The following HPS4 variants were observed in gnomAD, a reference collection of about 807,000 sequenced individuals.
The protein encoded by HPS4 is HPS4 biogenesis of lysosomal organelles complex 3 subunit 2, also known as BLOC-3 complex member HPS4.
A neutral mutation model predicts 70.3 loss-of-function variants in HPS4; 44 were observed. The ratio of observed to expected loss-of-function variants is 0.63; its 90% CI spans 0.49 to 0.80. The LOEUF is 0.80. HPS4 is among the 30% of genes least tolerant of loss of function. The pLI is 0.00. For synonymous variants in HPS4, 377 were observed against 355.9 expected, an observed-to-expected ratio of 1.06 and a Z score of -0.67; for missense variants, 873 against 884.4, an observed-to-expected ratio of 0.99 and a Z score of 0.16.
chr22:26,457,214 T>TA (rs2086307573), intron 13 of HPS4, among the ~76,000 whole-genome samples: 3 of 146,744 alleles, frequency 2.0e-5, no homozygotes, highest in Non-Finnish European at 4.5e-5. Flanking sequence ...GTATTACTTT[T>TA]TTTTTTTTTT....
At position 26,464,251 on chromosome 22, in the gene HPS4, G is replaced by C; in HGVS notation, c.1379C>G (p.Pro460Arg). 2 of 1,614,184 alleles carry C rather than the reference G, an allele frequency of 1.2e-6. No homozygotes were observed. Among genetic ancestry groups the C allele is most frequent in the Non-Finnish European group, 1.7e-6 (2 of 1,180,038 alleles). The stretch of plus-strand genomic sequence containing the variant: ...GGGCCTGCGGGTCCTTCTGGGGAGA[G>C]GGTCTGCTCTGGGAATGGGGGCTTG... The part of the protein sequence containing the change: ...SSQAPIPRAD[P>R]LPRRTRRPLL... Residue 460 changes from proline to arginine, a missense_variant, in exon 11 of 14, where the codon CCT (proline) becomes CGT (arginine). By Grantham distance (103) the Pro-to-Arg change is moderately radical. Transcript: ENST00000398145.
Position 26,481,683 on chromosome 22 carries a change from C to A in HPS4, c.41+39G>T, listed in dbSNP as rs751264994. 25 of 1,601,900 alleles carry A rather than the reference C, an allele frequency of 1.6e-5. No individual in the cohort carries two copies. The South Asian group carries it at 2.8e-4, about 18-fold the overall frequency. On this transcript the variant is annotated intron_variant, in intron 2 of 13. Transcript: ENST00000398145. The stretch of plus-strand genomic sequence containing the variant: ...TTAACCCCAAAACTCTAACCAACAG[C>A]CCAGCAAAAGCTATGCCATGGCAGG...
chr22:26,472,992 G>A, intron 4 of HPS4, 53 bp from the exon 5 acceptor site: 2 of 1,525,222 alleles, frequency 1.3e-6, no homozygotes, highest in Non-Finnish European at 1.8e-6. Flanking sequence ...TTGAGTCCAA[G>A]CCCAGAATCC....
At position 26,479,265 on chromosome 22, in the gene HPS4, C is replaced by G; in HGVS notation, c.132G>C (p.Gln44His). 6.2e-7 allele frequency: 1 copy of G among 1,614,150 alleles called. No homozygotes were observed. ...AACAATAAAATGCTGTGTGGCTTAC[C>G]TGGGAAGGATAAAAGTAACAAATGC... ...RAGICYFYPS[Q>H]TLLDQQELLC... The change falls in exon 3 of 14, where the codon CAG becomes CAC. Residue 44 changes from glutamine to histidine, a missense_variant and splice_region_variant. Coordinates refer to ENST00000398145, the MANE Select transcript of HPS4 (RefSeq NM_022081.6).
intron 13 of HPS4, among the ~76,000 whole-genome samples, chr22:26,455,387 G>C (rs1425351824): frequency 3.3e-5 from 5 of 151,562 alleles, no homozygotes; most frequent in Non-Finnish European, 5.9e-5. Flanking sequence ...ATACACCATG[G>C]AATACTATGC....
At chr22:26,483,475 GGC>G (rs1488480653) in intron 1 of HPS4, among the ~76,000 whole-genome samples, 197 bp downstream of exon 1, 1 of 152,234 alleles carries the variant, frequency 6.6e-6, no homozygotes, top group African/African-American at 2.4e-5. Flanking sequence ...GCTGGAAAAG[GGC>G]CAGGAAGCTG....
chr22:26,464,480 A>G lies in HPS4; in HGVS notation c.1150T>C (p.Ser384Pro), dbSNP rs760276585. 10 of 1,614,108 alleles carry G rather than the reference A, an allele frequency of 6.2e-6. No homozygotes were observed. Among genetic ancestry groups the G allele is most frequent in the Admixed American group, 1.7e-5 (1 of 60,014 alleles). The change falls in exon 11 of 14, where the codon TCA becomes CCA. Residue 384 changes from serine to proline, a missense_variant. By Grantham distance (74) the Ser-to-Pro change is moderately conservative (BLOSUM62 -1). Transcript: ENST00000398145. ...IPEAQEVEMA[S>P]GHFAFLHVPV... ...ACATGTAGGAAGGCAAAATGACCTGAGGCCATTTCCACTTCCTGAGCCTCT... is the reference window on the plus strand; with the variant it reads ...ACATGTAGGAAGGCAAAATGACCTGGGGCCATTTCCACTTCCTGAGCCTCT...
chr22:26,443,123 G>A, downstream of HPS4: 5 of 1,614,166 alleles, frequency 3.1e-6, no homozygotes, highest in Non-Finnish European at 4.2e-6. Context: ...CCCACGGGTG[G>A]TTTTCATGGT....
intron 9 of HPS4, 135 bp downstream of exon 9, chr22:26,466,091 T>C (rs775075683): frequency 3.1e-6 from 5 of 1,594,068 alleles, no homozygotes; most frequent in African/African-American, 1.3e-5. Flanking sequence ...TGAAGCTCCA[T>C]AACATCCATT....
rs780644636 is a variant in HPS4 at position 26,470,701 on chromosome 22, G to C, written c.596+18C>G. On this transcript the variant is annotated intron_variant, in intron 7 of 13. Transcript: ENST00000398145. ...GCAAGGGAATGGGGCTGGAAGAAAG[G>C]GGTCTGGAGTTACTCACAGTCCTTT... 2.5e-6 allele frequency: 4 copies of C among 1,610,942 alleles called. No individual in the cohort carries two copies. Among genetic ancestry groups the C allele is most frequent in the Non-Finnish European group, 3.4e-6 (4 of 1,178,180 alleles).
intron 11 of HPS4, among the ~76,000 whole-genome samples, chr22:26,463,452 A>G (rs1212109097): frequency 1.3e-5 from 2 of 152,198 alleles, no homozygotes; most frequent in Non-Finnish European, 1.5e-5. Flanking sequence ...GGCACAACAC[A>G]TGCACGTACG....
At chr22:26,473,505 T>C (rs1050821456) in intron 4 of HPS4, among the ~76,000 whole-genome samples, 1 of 152,162 alleles carries the variant, frequency 6.6e-6, no homozygotes, top group Non-Finnish European at 1.5e-5. Flanking sequence ...CGGTGGCTCA[T>C]GCCTGTAATC....
downstream of HPS4, chr22:26,443,507 G>GT (rs2084873962): frequency 4.0e-6 from 1 of 247,880 alleles, no homozygotes; most frequent in Admixed American, 5.3e-5. Flanking sequence ...GAGACTTAGT[G>GT]CCCTTGTAAG....
At chr22:26,476,669 G>A (rs1425690355) in intron 4 of HPS4, 2 of 331,020 alleles carry the variant, frequency 6.0e-6, no homozygotes, top group East Asian at 7.5e-5. Flanking sequence ...CCCAGTAAGT[G>A]TAGAGAGCAT....
chr22:26,457,855 T>G lies in HPS4; in HGVS notation c.1955+4A>C. The G allele has an allele frequency of 6.2e-7, 1 of 1,608,870 alleles. No homozygotes were observed. The highest frequency in any genetic ancestry group is 8.5e-7 in the Non-Finnish European group (1 of 1,175,186). On this transcript the variant is annotated splice_donor_region_variant and intron_variant, in intron 13 of 13. Transcript: ENST00000398145. The stretch of plus-strand genomic sequence containing the variant: ...AGGTTGGGGAGCGACTCAGGGAGGC[T>G]CACCTGACAGTCATTTCATAAAGCG...
Position 26,451,108 on chromosome 22 carries a change from G to C in HPS4, c.*2125C>G, listed in dbSNP as rs1375468085. ...CACTCGGTGTCAACTAGGAGTCCAG[G>C]GTGGGCAGGCTGTCCTGCACACTGC... On this transcript the variant is annotated 3_prime_UTR_variant, in exon 14 of 14. Transcript: ENST00000398145. Among the ~76,000 whole-genome samples the C allele has an allele frequency of 8.5e-5, 13 of 152,160 alleles. No individual in the cohort carries two copies. Among genetic ancestry groups the C allele is most frequent in the Admixed American group, 8.5e-4 (13 of 15,284 alleles).
intron 4 of HPS4, among the ~76,000 whole-genome samples, chr22:26,474,837 T>A (rs1464833974): frequency 2.0e-5 from 3 of 152,214 alleles, no homozygotes; most frequent in African/African-American, 7.2e-5. Flanking sequence ...GGCCTCACTA[T>A]CATTAGTCAT....
rs746961193 is a variant in HPS4, at chr22:26,453,356, T to C, written c.2004A>G (p.Thr668=). The C allele has an allele frequency of 1.2e-5, 19 of 1,614,198 alleles. No homozygotes were observed. Among genetic ancestry groups the C allele is most frequent in the South Asian group, 5.5e-5 (5 of 91,082 alleles). Residue 668 remains threonine (T), a synonymous_variant, in exon 14 of 14, where the codon ACA becomes ACG. Transcript: ENST00000398145. Reference sequence around the variant, plus strand: ...CTGCAGGTGCCAGCTGCTGGAAATATGTCTCCTGGATGGGGTTGCAACAGG... The same window carrying C: ...CTGCAGGTGCCAGCTGCTGGAAATACGTCTCCTGGATGGGGTTGCAACAGG... ...VYACCNPIQE[T]YFQQLAPAAR... is the part of the protein sequence containing the mutation.
intron 8 of HPS4, chr22:26,468,246 A>T: frequency 2.4e-6 from 1 of 418,966 alleles, no homozygotes; most frequent in Admixed American, 3.6e-5. Flanking sequence ...TCTGTCTCTG[A>T]AAAGTCTAAC....
Sources: allele counts gnomAD v4.1 joint callset (sites outside exome capture counted in the v4.1 genomes callset), GRCh38; gene constraint gnomAD v4.1.1; transcripts MANE v1.5; gene names NCBI Gene and HGNC (gene_info 2026-07-23, HGNC 2026-07-21).